The following ZCCHC17 variants were observed in gnomAD, a reference collection of about 807,000 sequenced individuals.
ZCCHC17 encodes the protein zinc finger CCHC domain-containing protein 17.
In ZCCHC17, 18 loss-of-function variants were observed where a neutral mutation model predicts 30.6. That is an observed-to-expected ratio of 0.59 (90% confidence interval 0.41 to 0.87). The LOEUF (loss-of-function observed/expected upper bound fraction) is 0.87, where lower values mean the gene tolerates loss of function less well. Ranked by LOEUF, ZCCHC17 falls within the 40% of genes least tolerant of loss-of-function variation. The pLI, the probability that ZCCHC17 is intolerant of heterozygous loss-of-function variation, is 0.00. For missense variants in ZCCHC17, 263 were observed against 284.2 expected (o/e 0.93, Z 0.54); for synonymous variants, 88 against 92.4 (o/e 0.95, Z 0.27).
intron 2 of ZCCHC17, among the ~76,000 whole-genome samples, chr1:31,314,872 G>A (rs932603479): frequency 6.6e-6 from 1 of 152,094 alleles, no homozygotes; most frequent in Middle Eastern, 3.2e-3. Flanking sequence ...TCACCATGTT[G>A]ACCAGGCTGG....
At chr1:31,342,287 C>G (rs1283831080) in intron 5 of ZCCHC17, among the ~76,000 whole-genome samples, 1 of 152,056 alleles carries the variant, frequency 6.6e-6, no homozygotes, top group African/African-American at 2.4e-5. Context: ...TCAAGTGATC[C>G]CCCGCCTCAG....
At chr1:31,333,858 A>G (rs2148447868) in intron 3 of ZCCHC17, among the ~76,000 whole-genome samples, 1 of 152,318 alleles carries the variant, frequency 6.6e-6, no homozygotes, top group Admixed American at 6.5e-5. Context: ...TCCCTCAAGT[A>G]TATTAGGTTC....
intron 1 of ZCCHC17, among the ~76,000 whole-genome samples, chr1:31,300,395 T>A (rs1240537286): frequency 6.6e-6 from 1 of 152,022 alleles, no homozygotes; most frequent in Non-Finnish European, 1.5e-5. Flanking sequence ...CACATTGCAG[T>A]GTAATTGGTG....
At chr1:31,361,816 T>C (rs12137784) in intron 7 of ZCCHC17, among the ~76,000 whole-genome samples, 15,494 of 150,616 alleles carry the variant, frequency 0.1, 990 homozygotes, top group Non-Finnish European at 0.14. Flanking sequence ...TTTATTTATT[T>C]ATTTATTTAT....
At chr1:31,354,314 C>T (rs190782515) in intron 7 of ZCCHC17, among the ~76,000 whole-genome samples, 75 of 152,232 alleles carry the variant, frequency 4.9e-4, no homozygotes, top group African/African-American at 1.6e-3. Context: ...TTCACTTACT[C>T]GTTCTAACAG....
intron 1 of ZCCHC17, among the ~76,000 whole-genome samples, chr1:31,299,548 G>A (rs1000177397): frequency 1.3e-5 from 2 of 152,188 alleles, no homozygotes; most frequent in East Asian, 1.9e-4. Context: ...AAGAAGGAGG[G>A]TGTGAGTCAT....
intron 1 of ZCCHC17, among the ~76,000 whole-genome samples, chr1:31,306,055 C>T (rs760424703): frequency 6.6e-6 from 1 of 152,138 alleles, no homozygotes; most frequent in African/African-American, 2.4e-5. Context: ...TAACTAAGCA[C>T]TTATCATACA....
chr1:31,333,820 T>G (rs1638691164), intron 3 of ZCCHC17, among the ~76,000 whole-genome samples: 1 of 152,200 alleles, frequency 6.6e-6, no homozygotes, highest in Non-Finnish European at 1.5e-5. Flanking sequence ...GTAAATAGAC[T>G]TTCTGTTTTA....
intron 4 of ZCCHC17, among the ~76,000 whole-genome samples, chr1:31,337,513 C>G (rs1304940979): frequency 6.6e-6 from 1 of 152,140 alleles, no homozygotes; most frequent in African/African-American, 2.4e-5. Flanking sequence ...TAAAACTTCC[C>G]TCCCTGAAGT....
chr1:31,352,418 A>C (rs1420467504), intron 7 of ZCCHC17, among the ~76,000 whole-genome samples: 1 of 152,186 alleles, frequency 6.6e-6, no homozygotes, highest in East Asian at 1.9e-4. Context: ...TAATGTCCTT[A>C]AAGTTCATCT....
intron 5 of ZCCHC17, among the ~76,000 whole-genome samples, chr1:31,344,862 G>GTTGT (rs71278777): frequency 1.3e-5 from 2 of 150,486 alleles, no homozygotes; most frequent in Non-Finnish European, 3.0e-5. Context: ...GTTTTTTTTT[G>GTTGT]TTGTTTGTTT....
chr1:31,298,377 G>GTTTTT (rs59616986), intron 1 of ZCCHC17, among the ~76,000 whole-genome samples: 1 of 145,710 alleles, frequency 6.9e-6, no homozygotes, highest in African/African-American at 2.6e-5. Context: ...TTAGAGACCA[G>GTTTTT]TTTTTTTTTG....
chr1:31,331,988 C>T (rs1422311532), intron 3 of ZCCHC17, among the ~76,000 whole-genome samples: 5 of 152,112 alleles, frequency 3.3e-5, no homozygotes, highest in Non-Finnish European at 7.4e-5. Context: ...TAGTTGTCTC[C>T]CTTTTGTTCT....
At chr1:31,313,555 C>T (rs1024400945) in intron 2 of ZCCHC17, among the ~76,000 whole-genome samples, 1 of 152,186 alleles carries the variant, frequency 6.6e-6, no homozygotes, top group Non-Finnish European at 1.5e-5. Flanking sequence ...TTGATCCCAA[C>T]TTGTAATATA....
chr1:31,343,846 ATT>A (rs71569979), intron 5 of ZCCHC17, among the ~76,000 whole-genome samples: 6 of 80,768 alleles, frequency 7.4e-5, no homozygotes, highest in Admixed American at 1.3e-4. Flanking sequence ...TGCCCCACTA[ATT>A]TTTTTTTTTT....
intron 7 of ZCCHC17, among the ~76,000 whole-genome samples, chr1:31,353,361 T>TC (rs1238941746): frequency 6.6e-6 from 1 of 152,196 alleles, no homozygotes; most frequent in Non-Finnish European, 1.5e-5. Context: ...TTTTTCCCTA[T>TC]CAGATTTAGA....
In ZCCHC17 at chr1:31,337,172, C is replaced by T; in HGVS notation, c.125-3C>T. The T allele has an allele frequency of 6.2e-7, 1 of 1,613,152 alleles. No individual in the cohort carries two copies. On this transcript the variant is annotated splice_polypyrimidine_tract_variant and splice_region_variant and intron_variant, in intron 3 of 7. Transcript: ENST00000344147. ...TTACGTTATTTCTTCTTCTTGTGCC[C>T]AGGTCTGGTCCATCGAACTCATATG...
intron 7 of ZCCHC17, among the ~76,000 whole-genome samples, chr1:31,360,165 G>GTGTTTTGTTT (rs376753414): frequency 1.0e-4 from 15 of 150,554 alleles, no homozygotes; most frequent in Admixed American, 3.3e-4. Context: ...TTGTGTGTGC[G>GTGTTTTGTTT]TGTTTTGTTT....
At chr1:31,315,360 A>C (rs886888467) in intron 2 of ZCCHC17, among the ~76,000 whole-genome samples, 2 of 152,180 alleles carry the variant, frequency 1.3e-5, no homozygotes, top group African/African-American at 4.8e-5. Context: ...TGAACTTAGC[A>C]GGGATTTGGG....
Sources: gnomAD v4.1 joint callset for allele counts (sites outside exome capture counted in the v4.1 genomes callset) on GRCh38, gnomAD v4.1.1 for gene constraint, MANE v1.5 for transcripts, NCBI Gene and HGNC (gene_info 2026-07-23, HGNC 2026-07-21) for gene names.